CPPED1: variants seen among roughly 807,000 people sequenced by gnomAD.
The protein encoded by CPPED1 is serine/threonine-protein phosphatase CPPED1.
Under a neutral mutation model 28.0 loss-of-function variants are expected in CPPED1, and 28 were observed. The observed-to-expected ratio is 1.00, with a 90% confidence interval of 0.74 to 1.37. The LOEUF (loss-of-function observed/expected upper bound fraction) is 1.37, where lower values mean the gene tolerates loss of function less well. Among genes scored for constraint, CPPED1 ranks in the 40% most tolerant of loss-of-function variants. CPPED1 has a pLI of 0.00. For missense variants in CPPED1, 504 were observed against 416.5 expected (o/e 1.21, Z -1.83); for synonymous variants, 198 against 180.2 (o/e 1.10, Z -0.79).
At chr16:12,749,547 C>T (rs1037942306) in intron 2 of CPPED1, among the ~76,000 whole-genome samples, 1 of 152,118 alleles carries the variant, frequency 6.6e-6, no homozygotes, top group African/African-American at 2.4e-5. Flanking sequence ...TTCCAAACTC[C>T]TGTTAATGTT....
intron 3 of CPPED1, among the ~76,000 whole-genome samples, chr16:12,684,884 C>T (rs1005218965): frequency 5.9e-5 from 9 of 152,180 alleles, no homozygotes; most frequent in African/African-American, 2.2e-4. Flanking sequence ...CTTGTGGCAA[C>T]TCAGAAGCTA....
chr16:12,800,901 G>A (rs1466950773), intron 1 of CPPED1, among the ~76,000 whole-genome samples: 1 of 151,944 alleles, frequency 6.6e-6, no homozygotes, highest in Non-Finnish European at 1.5e-5. Context: ...ACTTCCTCAG[G>A]GAAACCCTGC....
chr16:12,727,185 C>G (rs2080174594), intron 2 of CPPED1, among the ~76,000 whole-genome samples: 1 of 152,136 alleles, frequency 6.6e-6, no homozygotes, highest in Non-Finnish European at 1.5e-5. Flanking sequence ...GGGTTTTAGA[C>G]ACTGTTGGAA....
intron 2 of CPPED1, among the ~76,000 whole-genome samples, 175 bp from the exon 3 acceptor site, chr16:12,705,224 AC>A (rs1431540879): frequency 1.3e-5 from 2 of 152,232 alleles, no homozygotes; most frequent in African/African-American, 4.8e-5. Context: ...AACAAGTCCG[AC>A]GGGGGCCTCT....
intron 1 of CPPED1, among the ~76,000 whole-genome samples, chr16:12,789,252 G>A (rs1472751166): frequency 1.3e-5 from 2 of 152,130 alleles, no homozygotes; most frequent in African/African-American, 4.8e-5. Flanking sequence ...CCACCTGGCT[G>A]CTGTTGGCAT....
Position 12,704,691 on chromosome 16 carries a change from G to T in CPPED1, c.648C>A (p.Asp216Glu). Residue 216 changes from aspartate to glutamate, a missense_variant, in exon 3 of 4, where the codon GAC (aspartate) becomes GAA (glutamate). Physicochemically the swap from Asp to Glu is conservative, Grantham distance 45. Transcript: ENST00000381774. ...TGCTGAGGTTGAAGTAGTAGTCGTCGTCCTCGTCGATGCTCTCCAGGAACA... is the reference window on the plus strand; with the variant it reads ...TGCTGAGGTTGAAGTAGTAGTCGTCTTCCTCGTCGATGCTCTCCAGGAACA... ...IPLFLESIDEDDDYYFNLSKS... is the reference protein window; with the variant it reads ...IPLFLESIDEEDDYYFNLSKS... 1 of 1,614,188 alleles carries T rather than the reference G, an allele frequency of 6.2e-7. No homozygotes were observed. Among genetic ancestry groups the T allele is most frequent in the Admixed American group, 1.7e-5 (1 of 60,024 alleles).
At chr16:12,796,617 A>G (rs554327675) in intron 1 of CPPED1, among the ~76,000 whole-genome samples, 1 of 152,348 alleles carries the variant, frequency 6.6e-6, no homozygotes, top group East Asian at 1.9e-4. Context: ...ACCCATATAC[A>G]CTGCTGGTGG....
At chr16:12,737,445 C>G (rs1437550225) in intron 2 of CPPED1, among the ~76,000 whole-genome samples, 1 of 152,168 alleles carries the variant, frequency 6.6e-6, no homozygotes, top group African/African-American at 2.4e-5. Context: ...ACAGGAGATA[C>G]AGCAGGCAGG....
chr16:12,776,497 G>A (rs1418569275), intron 2 of CPPED1, among the ~76,000 whole-genome samples: 3 of 152,180 alleles, frequency 2.0e-5, no homozygotes, highest in Admixed American at 6.5e-5. Context: ...CTGGTGGGAG[G>A]TAACTGAACT....
chr16:12,716,599 G>C (rs1006470293), intron 2 of CPPED1, among the ~76,000 whole-genome samples: 24 of 152,192 alleles, frequency 1.6e-4, no homozygotes, highest in African/African-American at 5.5e-4. Flanking sequence ...TCCTATTTGG[G>C]ATTTTAAATA....
intron 3 of CPPED1, among the ~76,000 whole-genome samples, chr16:12,673,248 T>C (rs952153956): frequency 6.6e-6 from 1 of 152,318 alleles, no homozygotes; most frequent in Admixed American, 6.5e-5. Context: ...CTGCCTCCTC[T>C]GTGGCTCTCC....
chr16:12,738,729 A>G (rs1312690895), intron 2 of CPPED1, among the ~76,000 whole-genome samples: 1 of 152,242 alleles, frequency 6.6e-6, no homozygotes, highest in Admixed American at 6.5e-5. Context: ...CCTACCATAC[A>G]AGGTCCTGCT....
chr16:12,771,616 G>A (rs1361630082), intron 2 of CPPED1, among the ~76,000 whole-genome samples: 1 of 152,178 alleles, frequency 6.6e-6, no homozygotes, highest in Non-Finnish European at 1.5e-5. Context: ...TTATGCCTCC[G>A]AGGCTTTGCT....
intron 3 of CPPED1, among the ~76,000 whole-genome samples, chr16:12,698,675 C>A (rs1192976333): frequency 6.6e-6 from 1 of 152,178 alleles, no homozygotes; most frequent in East Asian, 1.9e-4. Context: ...AAGTGATCCA[C>A]CCACCTCGGC....
chr16:12,683,138 G>C (rs776294095), intron 3 of CPPED1, among the ~76,000 whole-genome samples: 3 of 152,194 alleles, frequency 2.0e-5, no homozygotes, highest in Admixed American at 1.3e-4. Context: ...AGCCAAGAAG[G>C]GGGTACTGCA....
intron 2 of CPPED1, among the ~76,000 whole-genome samples, chr16:12,717,219 A>C (rs1330009432): frequency 6.6e-6 from 1 of 152,226 alleles, no homozygotes; most frequent in African/African-American, 2.4e-5. Flanking sequence ...TACCAGGCTA[A>C]GTACTCTACA....
chr16:12,679,956 A>T (rs1335823628), intron 3 of CPPED1, among the ~76,000 whole-genome samples: 1 of 152,200 alleles, frequency 6.6e-6, no homozygotes, highest in Non-Finnish European at 1.5e-5. Flanking sequence ...AAGAGACTAA[A>T]AGTCATCACC....
chr16:12,760,321 T>G (rs943234887), intron 2 of CPPED1: 1 of 152,190 alleles, frequency 6.6e-6, no homozygotes, highest in Non-Finnish European at 1.5e-5. Context: ...CAATCCTCCA[T>G]GGATACCAAA....
At chr16:12,794,613 A>T (rs1183180702) in intron 1 of CPPED1, among the ~76,000 whole-genome samples, 1 of 152,078 alleles carries the variant, frequency 6.6e-6, no homozygotes, top group African/African-American at 2.4e-5. Flanking sequence ...ACATTTGCAT[A>T]TGCAAACTGG....
Sources: allele counts gnomAD v4.1 joint callset (sites outside exome capture counted in the v4.1 genomes callset), GRCh38; gene constraint gnomAD v4.1.1; transcripts MANE v1.5; gene names NCBI Gene and HGNC (gene_info 2026-07-23, HGNC 2026-07-21).